GRIP1: variants seen among roughly 807,000 people sequenced by gnomAD.
GRIP1 encodes glutamate receptor-interacting protein 1.
A neutral mutation model predicts 129.9 loss-of-function variants in GRIP1; 45 were observed. The observed-to-expected ratio is 0.35, with a 90% confidence interval of 0.27 to 0.44. GRIP1 has a LOEUF of 0.44. Among genes scored for constraint, GRIP1 ranks in the 20% least tolerant of loss-of-function variants. The probability of loss-of-function intolerance (pLI) is 1.00; values close to 1 mark genes in which losing one functional copy is unlikely to be tolerated. For missense variants in GRIP1, 1,196 were observed against 1,396.8 expected, an observed-to-expected ratio of 0.86 and a Z score of 2.29; for synonymous variants, 530 against 520.8, an observed-to-expected ratio of 1.02 and a Z score of -0.24.
At chr12:66,759,547 T>C (rs2037405044) in intron 1 of GRIP1, among the ~76,000 whole-genome samples, 1 of 152,202 alleles carries the variant, frequency 6.6e-6, no homozygotes, top group South Asian at 2.1e-4. Flanking sequence ...CAGTTTGTCT[T>C]TTCTACTGCA....
At chr12:66,350,764 C>G (rs956257239) in intron 24 of GRIP1, among the ~76,000 whole-genome samples, 1 of 152,188 alleles carries the variant, frequency 6.6e-6, no homozygotes, top group Non-Finnish European at 1.5e-5. Flanking sequence ...CTACCCCTAC[C>G]TGGACTCCTT....
rs201140621 is a variant in GRIP1 at position 66,906,430 on chromosome 12, C to CA, written c.58+162619dup. 1.8e-3 allele frequency among the ~76,000 whole-genome samples: 265 copies of CA among 149,658 alleles called. 1 individual carries two copies. Among genetic ancestry groups the CA allele is most frequent in the African/African-American group, 4.4e-3 (181 of 40,756 alleles). ...TGGGCAACCAAGTGAGACCCTGTCT[C>CA]AAAAAAAAATAAAATAAGGTAGAAA... On this transcript the variant is annotated intron_variant, in intron 1 of 1. Coordinates refer to the GRIP1 transcript ENST00000643019.
At chr12:66,834,414 G>A (rs2137028095) in intron 1 of GRIP1, among the ~76,000 whole-genome samples, 1 of 152,228 alleles carries the variant, frequency 6.6e-6, no homozygotes, top group African/African-American at 2.4e-5. Context: ...CTTAGTATGT[G>A]CATGAGAAAA....
chr12:66,862,172 T>C (rs2040123839), intron 1 of GRIP1, among the ~76,000 whole-genome samples: 1 of 152,104 alleles, frequency 6.6e-6, no homozygotes, highest in Non-Finnish European at 1.5e-5. Flanking sequence ...ACAAAGGGCA[T>C]TACTAGTGTT....
At chr12:66,854,393 A>G (rs902964236) in intron 1 of GRIP1, among the ~76,000 whole-genome samples, 1 of 151,944 alleles carries the variant, frequency 6.6e-6, no homozygotes, top group African/African-American at 2.4e-5. Context: ...CTCAATAAGG[A>G]GTTTTGGATT....
intron 1 of GRIP1, among the ~76,000 whole-genome samples, chr12:66,994,496 T>C (rs1177880653): frequency 6.7e-6 from 1 of 150,152 alleles, no homozygotes; most frequent in Non-Finnish European, 1.5e-5. Flanking sequence ...CTCAACCTAA[T>C]AGAGGACATC....
At position 66,557,961 on chromosome 12, in the gene GRIP1, G is replaced by A. The variant is rs1365956329; in HGVS notation, c.137-16011C>T. ...ATTAGTAGCATAAAAGAAAAGAGCA[G>A]AAATAAATGAAACTGAAATGAAGAA... On this transcript the variant is annotated intron_variant, in intron 2 of 24. Transcript: ENST00000359742. Among the ~76,000 whole-genome samples the A allele has an allele frequency of 3.3e-5, 5 of 152,118 alleles. No homozygotes were observed. In the East Asian group the frequency reaches 9.7e-4, roughly 29 times the overall value.
At chr12:67,027,437 C>G (rs2042956417) in intron 1 of GRIP1, among the ~76,000 whole-genome samples, 1 of 152,214 alleles carries the variant, frequency 6.6e-6, no homozygotes, top group African/African-American at 2.4e-5. Context: ...TTCATTCATT[C>G]CATAAATATT....
chr12:66,699,648 T>A (rs951148444), intron 1 of GRIP1, among the ~76,000 whole-genome samples: 6 of 152,260 alleles, frequency 3.9e-5, no homozygotes, highest in South Asian at 2.1e-4. Flanking sequence ...ATGTCTTTAT[T>A]ATCAGTGTGA....
chr12:66,424,832 T>A (rs2057928190), intron 14 of GRIP1, among the ~76,000 whole-genome samples: 1 of 152,216 alleles, frequency 6.6e-6, no homozygotes, highest in African/African-American at 2.4e-5. Flanking sequence ...TGTCAAATCT[T>A]ATCAGGAATT....
intron 1 of GRIP1, among the ~76,000 whole-genome samples, chr12:66,651,886 G>T (rs982874595): frequency 1.3e-4 from 20 of 151,930 alleles, no homozygotes; most frequent in African/African-American, 4.8e-4. Flanking sequence ...CAAACAGGCT[G>T]CCCAGATCCA....
intron 11 of GRIP1, among the ~76,000 whole-genome samples, chr12:66,454,131 T>C (rs568814186): frequency 2.0e-4 from 31 of 152,348 alleles, no homozygotes; most frequent in Admixed American, 2.0e-3. Flanking sequence ...GAGTTCACTG[T>C]AGGGAAAGCT....
intron 7 of GRIP1, among the ~76,000 whole-genome samples, chr12:66,502,760 A>G (rs1417970930): frequency 6.6e-6 from 1 of 152,152 alleles, no homozygotes; most frequent in African/African-American, 2.4e-5. Flanking sequence ...ATATGCTGAC[A>G]CCATGCTTGT....
At chr12:67,021,989 C>T (rs1219367247) in intron 1 of GRIP1, among the ~76,000 whole-genome samples, 1 of 152,118 alleles carries the variant, frequency 6.6e-6, no homozygotes, top group East Asian at 1.9e-4. Flanking sequence ...GCATTTTATT[C>T]GTTTTATGGC....
At chr12:66,726,158 A>T (rs2036248381) in intron 1 of GRIP1, among the ~76,000 whole-genome samples, 1 of 151,984 alleles carries the variant, frequency 6.6e-6, no homozygotes, top group Non-Finnish European at 1.5e-5. Flanking sequence ...AATGCTCAAC[A>T]TTTTCCATGA....
intron 4 of GRIP1, among the ~76,000 whole-genome samples, chr12:66,531,803 T>G (rs2061471467): frequency 6.6e-6 from 1 of 152,164 alleles, no homozygotes; most frequent in Non-Finnish European, 1.5e-5. Flanking sequence ...TGATTTTTTT[T>G]TTGTTCTCTT....
At chr12:66,596,952 G>A (rs1592621575) in intron 1 of GRIP1, 25 bp from the exon 2 acceptor site, 3 of 1,504,438 alleles carry the variant, frequency 2.0e-6, no homozygotes, top group African/African-American at 2.7e-5. Flanking sequence ...TGAAGCGTTT[G>A]GTTAATTTCC....
chr12:66,725,258 A>G (rs1369581995), intron 1 of GRIP1, among the ~76,000 whole-genome samples: 2 of 152,106 alleles, frequency 1.3e-5, no homozygotes, highest in Non-Finnish European at 2.9e-5. Context: ...AGTCATGATC[A>G]CGCCACTGCA....
intron 1 of GRIP1, among the ~76,000 whole-genome samples, chr12:66,771,053 A>G (rs752547559): frequency 2.6e-5 from 4 of 152,150 alleles, no homozygotes; most frequent in Non-Finnish European, 4.4e-5. Flanking sequence ...AGATCACGCC[A>G]TTGCCTTCCA....
Sources: allele counts gnomAD v4.1 joint callset (sites outside exome capture counted in the v4.1 genomes callset), GRCh38; gene constraint gnomAD v4.1.1; transcripts MANE v1.5; gene names NCBI Gene and HGNC (gene_info 2026-07-23, HGNC 2026-07-21).